OR9Q1: variants seen among roughly 807,000 people sequenced by gnomAD.
The protein encoded by OR9Q1 is olfactory receptor 9Q1.
For missense variants in OR9Q1, 374 were observed against 378.8 expected, an observed-to-expected ratio of 0.99 and a Z score of 0.11; for synonymous variants, 153 against 148.6, an observed-to-expected ratio of 1.03 and a Z score of -0.22.
chr11:58,090,698 A>G (rs1489042072), intron 2 of OR9Q1, among the ~76,000 whole-genome samples: 1 of 151,994 alleles, frequency 6.6e-6, no homozygotes, highest in Admixed American at 6.6e-5. Flanking sequence ...TATTGTTTGG[A>G]ATAGTTTTAG....
chr11:58,169,531 C>T (rs377761117), intron 2 of OR9Q1, among the ~76,000 whole-genome samples: 1 of 152,112 alleles, frequency 6.6e-6, no homozygotes, highest in Non-Finnish European at 1.5e-5. Context: ...AGTTTTAATA[C>T]AGGTGTGCAA....
chr11:58,132,120 A>G (rs1565085686), intron 2 of OR9Q1, among the ~76,000 whole-genome samples: 1 of 152,234 alleles, frequency 6.6e-6, no homozygotes, highest in South Asian at 2.1e-4. Context: ...CACAAGGTAG[A>G]GCAATCTACT....
chr11:58,060,795 C>CT lies in OR9Q1; in HGVS notation c.-15+4860dup, dbSNP rs5792078. Among the ~76,000 whole-genome samples, 655 of 148,926 alleles carry CT rather than the reference C, an allele frequency of 4.4e-3. 3 individuals carry two copies. Among genetic ancestry groups the CT allele is most frequent in the East Asian group, 7.4e-3 (37 of 5,022 alleles). ...AAAGAGTCATGAAATTAAGAGAGCA[C>CT]TTTTTTTTTTTTGATAGAGGAGGAT... On this transcript the variant is annotated intron_variant, in intron 2 of 2. Coordinates refer to ENST00000335397, the MANE Select transcript of OR9Q1 (RefSeq NM_001005212.4).
intron 2 of OR9Q1, among the ~76,000 whole-genome samples, chr11:58,084,449 G>A (rs541148026): frequency 1.3e-5 from 2 of 151,842 alleles, no homozygotes; most frequent in South Asian, 4.2e-4. Flanking sequence ...TATGAAGCTG[G>A]CATCAGCCTA....
intron 2 of OR9Q1, among the ~76,000 whole-genome samples, chr11:58,139,618 A>G (rs1854224154): frequency 1.3e-5 from 2 of 151,948 alleles, no homozygotes; most frequent in Admixed American, 1.3e-4. Context: ...TGAACTCATC[A>G]TTTTTTATGG....
chr11:58,120,827 T>TATATAC (rs1232813620), intron 2 of OR9Q1, among the ~76,000 whole-genome samples: 17 of 145,114 alleles, frequency 1.2e-4, no homozygotes, highest in African/African-American at 3.5e-4. Context: ...TATATATATA[T>TATATAC]ACATATATTC....
At chr11:58,119,047 G>GTATA in intron 2 of OR9Q1, 1 of 1,614,046 alleles carries the variant, frequency 6.2e-7, no homozygotes, top group Non-Finnish European at 8.5e-7. Context: ...CATGGCCACG[G>GTATA]TATAGAGCAG....
chr11:58,130,157 G>C (rs577685635), intron 2 of OR9Q1, among the ~76,000 whole-genome samples: 3 of 152,028 alleles, frequency 2.0e-5, no homozygotes, highest in Non-Finnish European at 2.9e-5. Flanking sequence ...ATAAATATTT[G>C]TTAAACAATG....
intron 2 of OR9Q1, among the ~76,000 whole-genome samples, chr11:58,104,189 A>G (rs942302084): frequency 1.3e-5 from 2 of 152,198 alleles, no homozygotes; most frequent in Non-Finnish European, 2.9e-5. Flanking sequence ...GAAAAAATAT[A>G]TACTGAGTAA....
At chr11:58,146,519 T>TA (rs1854300352) in intron 2 of OR9Q1, among the ~76,000 whole-genome samples, 1 of 152,272 alleles carries the variant, frequency 6.6e-6, no homozygotes, top group African/African-American at 2.4e-5. Context: ...ATAAATAAGA[T>TA]AGATATGGTT....
intron 1 of OR9Q1, among the ~76,000 whole-genome samples, chr11:58,040,050 A>G (rs578078568): frequency 6.6e-6 from 1 of 152,328 alleles, no homozygotes; most frequent in African/African-American, 2.4e-5. Flanking sequence ...AGAGGAGAAA[A>G]CTGAGGGACA....
chr11:58,140,789 T>A (rs1854240068), intron 2 of OR9Q1, among the ~76,000 whole-genome samples: 1 of 152,216 alleles, frequency 6.6e-6, no homozygotes, highest in African/African-American at 2.4e-5. Context: ...TGGTTCCATA[T>A]GAACTTTAAA....
chr11:58,093,292 T>C (rs1275905676), intron 2 of OR9Q1, among the ~76,000 whole-genome samples: 1 of 152,030 alleles, frequency 6.6e-6, no homozygotes, highest in African/African-American at 2.4e-5. Flanking sequence ...TATCCAGAAT[T>C]TACAAGGGAC....
intron 2 of OR9Q1, among the ~76,000 whole-genome samples, chr11:58,143,049 A>T (rs1204280110): frequency 6.6e-6 from 1 of 152,188 alleles, no homozygotes; most frequent in African/African-American, 2.4e-5. Flanking sequence ...TCCATTGTGC[A>T]TATATGCACA....
chr11:58,079,729 G>A (rs1016982503), intron 2 of OR9Q1, among the ~76,000 whole-genome samples: 6 of 152,222 alleles, frequency 3.9e-5, no homozygotes, highest in East Asian at 3.9e-4. Context: ...GAGAAAAGGC[G>A]CCCCAGTTGC....
chr11:58,046,167 C>T (rs896008709), intron 1 of OR9Q1, among the ~76,000 whole-genome samples: 1 of 152,226 alleles, frequency 6.6e-6, no homozygotes. Context: ...TGAAACAGTA[C>T]TGAGTGAAGA....
chr11:58,118,390 C>A, intron 2 of OR9Q1: 1 of 719,828 alleles, frequency 1.4e-6, no homozygotes. Flanking sequence ...TGGTACCTAT[C>A]TTCTGTCTTC....
At chr11:58,162,985 T>TG (rs1299025889) in intron 2 of OR9Q1, among the ~76,000 whole-genome samples, 1 of 152,142 alleles carries the variant, frequency 6.6e-6, no homozygotes, top group African/African-American at 2.4e-5. Flanking sequence ...GGAAAGAAAG[T>TG]GAGAGAGAAG....
At chr11:58,098,222 G>A (rs1291221094) in intron 2 of OR9Q1, among the ~76,000 whole-genome samples, 1 of 152,142 alleles carries the variant, frequency 6.6e-6, no homozygotes, top group Non-Finnish European at 1.5e-5. Context: ...GGGATGGAGT[G>A]GGAGTGAAGT....
Sources: allele counts gnomAD v4.1 joint callset (sites outside exome capture counted in the v4.1 genomes callset), GRCh38; gene constraint gnomAD v4.1.1; transcripts MANE v1.5; gene names NCBI Gene and HGNC (gene_info 2026-07-23, HGNC 2026-07-21).